CDC7: variants seen among roughly 807,000 people sequenced by gnomAD.
CDC7 encodes cell division cycle 7-related protein kinase.
In CDC7, 34 loss-of-function variants were observed where a neutral mutation model predicts 53.5. The observed-to-expected ratio is 0.64, with a 90% CI of 0.48 to 0.85. The LOEUF (loss-of-function observed/expected upper bound fraction) is 0.85. Among genes scored for constraint, CDC7 ranks in the 40% least tolerant of loss-of-function variants. CDC7 has a pLI of 0.00. For synonymous variants in CDC7, 211 were observed against 222.8 expected, an observed-to-expected ratio of 0.95 and a Z score of 0.47; for missense variants, 594 against 679.7, an observed-to-expected ratio of 0.87 and a Z score of 1.40.
intron 11 of CDC7, among the ~76,000 whole-genome samples, chr1:91,520,735 T>C (rs1436654133): frequency 2.6e-5 from 4 of 152,234 alleles, no homozygotes; most frequent in Admixed American, 2.6e-4. Flanking sequence ...AAACAGTTAA[T>C]TATTAATACA....
intron 10 of CDC7, among the ~76,000 whole-genome samples, chr1:91,517,047 A>G (rs1283846450): frequency 1.3e-5 from 2 of 152,200 alleles, no homozygotes; most frequent in African/African-American, 4.8e-5. Flanking sequence ...CCTGGGCGAC[A>G]GCAAGACTTC....
chr1:91,511,584 A>G lies in CDC7; in HGVS notation c.336-13A>G, dbSNP rs1667289078. On this transcript the variant is annotated splice_polypyrimidine_tract_variant and intron_variant, in intron 4 of 11. Coordinates refer to ENST00000234626, the MANE Select transcript of CDC7 (RefSeq NM_003503.4). ...CCTTTCTTCTAAAAGTTCCTTGTGC[A>G]TTTTTCCACTAGGGGGCAAGATAAT... 1.3e-6 allele frequency: 2 copies of G among 1,551,972 alleles called. No homozygotes were observed. Among genetic ancestry groups the G allele is most frequent in the Non-Finnish European group, 1.8e-6 (2 of 1,134,436 alleles).
intron 10 of CDC7, among the ~76,000 whole-genome samples, chr1:91,518,456 A>G (rs1381611158): frequency 1.3e-5 from 2 of 152,214 alleles, no homozygotes; most frequent in Non-Finnish European, 2.9e-5. Context: ...TTGAAGCACT[A>G]TTCATAATAG....
intron 10 of CDC7, among the ~76,000 whole-genome samples, chr1:91,517,189 T>C (rs1329905863): frequency 6.6e-6 from 1 of 152,146 alleles, no homozygotes; most frequent in Non-Finnish European, 1.5e-5. Context: ...ACTGTAGATA[T>C]TGGAAAGTTA....
intron 2 of CDC7, among the ~76,000 whole-genome samples, chr1:91,506,155 T>G (rs932035229): frequency 6.6e-6 from 1 of 152,134 alleles, no homozygotes; most frequent in Non-Finnish European, 1.5e-5. Context: ...CAGGCCCGTG[T>G]TACAAAGCCC....
chr1:91,524,300 C>A lies in CDC7; in HGVS notation c.1590C>A (p.Thr530=). 6.2e-7 allele frequency: 1 copy of A among 1,613,928 alleles called. No homozygotes were observed. The highest frequency in any genetic ancestry group is 8.5e-7 in the Non-Finnish European group (1 of 1,179,910). ...SCEHCFDEYN[T]NLEGWNEVPD... The stretch of plus-strand genomic sequence containing the variant: ...AGCATTGTTTTGATGAGTATAATAC[C>A]AATTTAGAAGGCTGGAATGAGGTAC... The change falls in exon 12 of 12, where the codon ACC becomes ACA. Residue 530 remains threonine (T), a synonymous_variant. Transcript: ENST00000234626.
intron 6 of CDC7, 80 bp from the exon 7 acceptor site, chr1:91,512,978 G>A: frequency 8.8e-7 from 1 of 1,130,340 alleles, no homozygotes; most frequent in Non-Finnish European, 1.2e-6. Context: ...CAGTTTTTAT[G>A]AGGATGGTTT....
chr1:91,515,401 A>C (rs967383186), intron 9 of CDC7, among the ~76,000 whole-genome samples: 4 of 152,100 alleles, frequency 2.6e-5, no homozygotes, highest in African/African-American at 9.7e-5. Context: ...CCTTTCCTTC[A>C]AGGCTTGGCT....
At chr1:91,501,877 G>A (rs758773502) in intron 2 of CDC7, 46 bp downstream of exon 2, 6 of 1,344,320 alleles carry the variant, frequency 4.5e-6, no homozygotes, top group Non-Finnish European at 6.4e-6. Flanking sequence ...GATTTTTCAG[G>A]CAACAATTCT....
chr1:91,508,371 T>C lies in CDC7; in HGVS notation c.309T>C (p.Ala103=), dbSNP rs1667100498. Residue 103 remains alanine, a synonymous_variant, in exon 4 of 12, where the codon GCT becomes GCC. Coordinates refer to ENST00000234626, the MANE Select transcript of CDC7 (RefSeq NM_003503.4). ...IPTSHPIRIA[A]ELQCLTVAGG... ...CAAGTCATCCTATAAGAATTGCAGCTGAACTTCAGTGCCTAACAGTGGCTG... is the reference window on the plus strand; with the variant it reads ...CAAGTCATCCTATAAGAATTGCAGCCGAACTTCAGTGCCTAACAGTGGCTG... The C allele has an allele frequency of 1.9e-6, 3 of 1,612,154 alleles. No individual in the cohort carries two copies. Among genetic ancestry groups the C allele is most frequent in the Non-Finnish European group, 2.5e-6 (3 of 1,178,918 alleles).
chr1:91,524,518 G>C lies in CDC7; in HGVS notation c.*83G>C, dbSNP rs1668161108. On this transcript the variant is annotated 3_prime_UTR_variant, in exon 12 of 12. Transcript: ENST00000234626. ...TAATAGCCACAAGTTCTTGTTTAGA[G>C]ACCAGAGCAGGATTAATAATTTATT... 3.0e-6 allele frequency: 3 copies of C among 1,015,956 alleles called. No individual in the cohort carries two copies. In the East Asian group the frequency reaches 7.1e-5, roughly 24 times the overall value. 62.9% of individuals were successfully genotyped at this position (1,015,956 alleles called of 1,614,324 possible). A position where few individuals can be genotyped will look rare whatever the true frequency, so the allele number is the denominator to read the frequency against.
chr1:91,511,598 G>A lies in CDC7; in HGVS notation c.337G>A (p.Gly113Arg). 1.9e-6 allele frequency: 3 copies of A among 1,582,466 alleles called. No homozygotes were observed. Among genetic ancestry groups the A allele is most frequent in the Non-Finnish European group, 2.6e-6 (3 of 1,155,892 alleles). Residue 113 changes from glycine to arginine, a missense_variant and splice_region_variant, in exon 5 of 12, where the codon GGG (glycine) becomes AGG (arginine). Gly to Arg is a moderately radical substitution (Grantham distance 125, BLOSUM62 -2). Transcript: ENST00000234626. Reference sequence around the variant, plus strand: ...GTTCCTTGTGCATTTTTCCACTAGGGGGCAAGATAATGTCATGGGAGTTAA... The same window carrying A: ...GTTCCTTGTGCATTTTTCCACTAGGAGGCAAGATAATGTCATGGGAGTTAA... ...AELQCLTVAG[G>R]QDNVMGVKYC...
intron 7 of CDC7, 103 bp downstream of exon 7, chr1:91,513,410 A>T: frequency 9.0e-7 from 1 of 1,116,826 alleles, no homozygotes; most frequent in East Asian, 2.5e-5. Flanking sequence ...ATAATTTAAA[A>T]AACTTTTTTT....
rs182837003 is a variant in CDC7 at position 91,520,113 on chromosome 1, T to A, written c.1181-17T>A. On this transcript the variant is annotated splice_polypyrimidine_tract_variant and intron_variant, in intron 10 of 11. Coordinates refer to ENST00000234626, the MANE Select transcript of CDC7 (RefSeq NM_003503.4). Reference sequence around the variant, plus strand: ...ATAGATTTGAAATTTATTTTTAAAATTTGTCTTCTGTTGCAGCAATTGACA... The same window carrying A: ...ATAGATTTGAAATTTATTTTTAAAAATTGTCTTCTGTTGCAGCAATTGACA... 546 of 1,544,310 alleles carry A rather than the reference T, an allele frequency of 3.5e-4. 6 individuals are homozygous for A. In the East Asian group the frequency reaches 0.011, roughly 30 times the overall value.
At chr1:91,513,409 A>G (rs1429390123) in intron 7 of CDC7, 102 bp downstream of exon 7, 1 of 1,122,402 alleles carries the variant, frequency 8.9e-7, no homozygotes, top group African/African-American at 1.6e-5. Flanking sequence ...TATAATTTAA[A>G]AAACTTTTTT....
chr1:91,513,980 T>C lies in CDC7; in HGVS notation c.855T>C (p.Ser285=). The C allele has an allele frequency of 1.2e-6, 2 of 1,612,478 alleles. No individual in the cohort carries two copies. Among genetic ancestry groups the C allele is most frequent in the Non-Finnish European group, 1.7e-6 (2 of 1,178,740 alleles). Residue 285 remains serine (S), a synonymous_variant, in exon 8 of 12, where the codon TCT becomes TCC. Transcript: ENST00000234626. ...EGSVGLSVQR[S]VFGERNFNIH... ...CTGTAGGCCTTTCTGTCCAGCGCTCTGTTTTTGGAGAAAGAAATTTCAATA... is the reference window on the plus strand; with the variant it reads ...CTGTAGGCCTTTCTGTCCAGCGCTCCGTTTTTGGAGAAAGAAATTTCAATA...
rs1667290398 is a variant in CDC7, at chr1:91,511,602, A to G, written c.341A>G (p.Gln114Arg). ...CTTGTGCATTTTTCCACTAGGGGGCAAGATAATGTCATGGGAGTTAAATAC... is the reference window on the plus strand; with the variant it reads ...CTTGTGCATTTTTCCACTAGGGGGCGAGATAATGTCATGGGAGTTAAATAC... ...ELQCLTVAGG[Q>R]DNVMGVKYCF... Residue 114 changes from glutamine (Q) to arginine (R), a missense_variant, in exon 5 of 12, where the codon CAA (glutamine) becomes CGA (arginine). Transcript: ENST00000234626. 6.3e-7 allele frequency: 1 copy of G among 1,591,310 alleles called. No individual in the cohort carries two copies. Among genetic ancestry groups the G allele is most frequent in the South Asian group, 1.1e-5 (1 of 88,558 alleles).
At position 91,524,407 on chromosome 1, in the gene CDC7, A is replaced by C. The variant is rs1047684803; in HGVS notation, c.1697A>C (p.His566Pro). 1 of 1,609,276 alleles carries C rather than the reference A, an allele frequency of 6.2e-7. No individual in the cohort carries two copies. Among genetic ancestry groups the C allele is most frequent in the Non-Finnish European group, 8.5e-7 (1 of 1,179,316 alleles). ...ATAACAGCAGAAGAAGCTTTGTTGC[A>C]TCCATTTTTTAAAGATATGAGCTTG... ...SRITAEEALL[H>P]PFFKDMSL The change falls in exon 12 of 12, where the codon CAT becomes CCT. Residue 566 changes from histidine to proline, a missense_variant. By Grantham distance (77) the His-to-Pro change is moderately conservative. Transcript: ENST00000234626.
intron 2 of CDC7, among the ~76,000 whole-genome samples, chr1:91,502,735 C>A (rs1378047894): frequency 2.0e-5 from 3 of 152,118 alleles, no homozygotes; most frequent in Non-Finnish European, 2.9e-5. Context: ...TCTTTCCATT[C>A]CCATTTCCAC....
Sources: gnomAD v4.1 joint callset for allele counts (sites outside exome capture counted in the v4.1 genomes callset) on GRCh38, gnomAD v4.1.1 for gene constraint, MANE v1.5 for transcripts, NCBI Gene and HGNC (gene_info 2026-07-23, HGNC 2026-07-21) for gene names.